The following PACSIN2 variants were observed in gnomAD, a reference collection of about 807,000 sequenced individuals.
The protein encoded by PACSIN2 is protein kinase C and casein kinase substrate in neurons protein 2.
In PACSIN2, 25 loss-of-function variants were observed where a neutral mutation model predicts 63.8. The observed-to-expected ratio is 0.39, with a 90% CI of 0.29 to 0.55. The LOEUF is 0.55. Ranked by LOEUF, PACSIN2 falls within the 20% of genes least tolerant of loss-of-function variation. The probability of loss-of-function intolerance (pLI) is 0.62; values close to 1 mark genes in which losing one functional copy is unlikely to be tolerated. For synonymous variants in PACSIN2, 255 were observed against 256.2 expected, an observed-to-expected ratio of 1.00 and a Z score of 0.05; for missense variants, 518 against 646.9, an observed-to-expected ratio of 0.80 and a Z score of 2.16.
chr22:42,911,091 A>C (rs932938441), intron 2 of PACSIN2, among the ~76,000 whole-genome samples: 1 of 151,836 alleles, frequency 6.6e-6, no homozygotes, highest in African/African-American at 2.4e-5. Context: ...TTTTTAGTAG[A>C]GATGGGGTTT....
At chr22:42,960,687 G>A (rs972626812) in intron 1 of PACSIN2, among the ~76,000 whole-genome samples, 1 of 152,150 alleles carries the variant, frequency 6.6e-6, no homozygotes, top group Non-Finnish European at 1.5e-5. Flanking sequence ...TACACCCTTC[G>A]AAGCCGGGAC....
chr22:42,971,812 C>T (rs1230148133), intron 1 of PACSIN2, among the ~76,000 whole-genome samples: 1 of 151,242 alleles, frequency 6.6e-6, no homozygotes, highest in Non-Finnish European at 1.5e-5. Context: ...GGGGGGCAGC[C>T]CCCGCCCGGC....
intron 10 of PACSIN2, among the ~76,000 whole-genome samples, chr22:42,874,225 G>A (rs915676001): frequency 6.6e-6 from 1 of 151,620 alleles, no homozygotes; most frequent in Non-Finnish European, 1.5e-5. Context: ...GAGGTGGGAG[G>A]ACTGCTTGAG....
intron 1 of PACSIN2, among the ~76,000 whole-genome samples, chr22:42,923,313 A>C (rs957256134): frequency 6.6e-6 from 1 of 152,170 alleles, no homozygotes; most frequent in Non-Finnish European, 1.5e-5. Flanking sequence ...GGCAGACCAC[A>C]TTGCTGGTCT....
At chr22:42,951,835 C>T (rs981901006) in intron 1 of PACSIN2, among the ~76,000 whole-genome samples, 3 of 150,716 alleles carry the variant, frequency 2.0e-5, no homozygotes, top group South Asian at 2.1e-4. Flanking sequence ...CTGCTTCCAG[C>T]GCCAGTCTCG....
intron 1 of PACSIN2, among the ~76,000 whole-genome samples, chr22:42,955,953 C>T (rs771105451): frequency 3.9e-5 from 6 of 152,222 alleles, no homozygotes; most frequent in Admixed American, 6.5e-5. Flanking sequence ...TAAACTAGCA[C>T]TACCAATCTA....
At chr22:42,995,054 A>G (rs1329126093) in intron 1 of PACSIN2, among the ~76,000 whole-genome samples, 1 of 152,198 alleles carries the variant, frequency 6.6e-6, no homozygotes, top group Non-Finnish European at 1.5e-5. Flanking sequence ...ACAATCACAT[A>G]GTCAAAGGGG....
intron 1 of PACSIN2, among the ~76,000 whole-genome samples, chr22:42,935,049 A>G (rs557758853): frequency 5.7e-4 from 86 of 150,540 alleles, no homozygotes; most frequent in Non-Finnish European, 8.4e-4. Context: ...CTGAGTAGCT[A>G]GGACTACAGG....
intron 1 of PACSIN2, among the ~76,000 whole-genome samples, chr22:42,998,511 A>G (rs1923560215): frequency 1.3e-5 from 2 of 152,268 alleles, no homozygotes; most frequent in South Asian, 4.1e-4. Context: ...TTAAAGATCA[A>G]TAAGGTTGCT....
At chr22:42,965,031 C>T (rs1183426794) in intron 1 of PACSIN2, among the ~76,000 whole-genome samples, 2 of 152,238 alleles carry the variant, frequency 1.3e-5, no homozygotes. Context: ...GTTTGTCACA[C>T]ATCTCTATAG....
intron 2 of PACSIN2, 91 bp from the exon 3 acceptor site, chr22:42,893,704 A>T: frequency 7.4e-7 from 1 of 1,342,440 alleles, no homozygotes; most frequent in Non-Finnish European, 1.0e-6. Flanking sequence ...CCAGGCCCTG[A>T]TGCGCCCCTG....
intron 1 of PACSIN2, among the ~76,000 whole-genome samples, chr22:42,976,632 C>T (rs1921724060): frequency 6.6e-6 from 1 of 152,208 alleles, no homozygotes; most frequent in Non-Finnish European, 1.5e-5. Flanking sequence ...GTATTACATG[C>T]CTTTTAAATA....
At chr22:42,966,732 A>C (rs1920961942) in intron 1 of PACSIN2, among the ~76,000 whole-genome samples, 1 of 152,240 alleles carries the variant, frequency 6.6e-6, no homozygotes, top group Non-Finnish European at 1.5e-5. Context: ...AGCACATCTC[A>C]GTTAAGATGT....
rs115387484 is a variant in PACSIN2 at position 42,950,643 on chromosome 22, C to T, written c.-77-38486G>A. On this transcript the variant is annotated intron_variant, in intron 1 of 10. Transcript: ENST00000263246. ...AAAGTTAGCTTACAGTAACATTCAA[C>T]GCCATAAGTAGCATTCTTACGTCTA... 4.4e-3 allele frequency among the ~76,000 whole-genome samples: 676 copies of T among 152,302 alleles called. 5 individuals carry two copies. Among genetic ancestry groups the T allele is most frequent in the African/African-American group, 0.015 (619 of 41,552 alleles).
In PACSIN2 at chr22:43,012,838, G is replaced by A. The variant is rs182346403; in HGVS notation, c.-78+2183C>T. ...CCCAGCTAATTTTGTATTTTTAGTA[G>A]ACATGGGGTTTCTCCATGTTGGTCA... On this transcript the variant is annotated intron_variant, in intron 1 of 10. Coordinates refer to ENST00000263246, the MANE Select transcript of PACSIN2 (RefSeq NM_001184970.3). Among the ~76,000 whole-genome samples the A allele has an allele frequency of 4.0e-3, 614 of 152,242 alleles. 2 individuals are homozygous for A. The highest frequency in any genetic ancestry group is 6.9e-3 in the Non-Finnish European group (470 of 68,014).
chr22:42,935,476 C>A (rs1195216755), intron 1 of PACSIN2, among the ~76,000 whole-genome samples: 1 of 152,182 alleles, frequency 6.6e-6, no homozygotes, highest in Non-Finnish European at 1.5e-5. Flanking sequence ...CACCAAAAAA[C>A]TTGTTTCCAC....
intron 1 of PACSIN2, among the ~76,000 whole-genome samples, chr22:42,988,412 C>G (rs1221108287): frequency 1.3e-5 from 2 of 152,204 alleles, no homozygotes; most frequent in African/African-American, 4.8e-5. Context: ...CATCAAGGTA[C>G]AACTCAACCT....
chr22:42,930,088 C>A (rs539235349), intron 1 of PACSIN2, among the ~76,000 whole-genome samples: 1 of 152,320 alleles, frequency 6.6e-6, no homozygotes, highest in Admixed American at 6.5e-5. Flanking sequence ...ATATGAATGC[C>A]ATGCTTTTCT....
chr22:42,962,985 A>G (rs1456737737), intron 1 of PACSIN2, among the ~76,000 whole-genome samples: 6 of 152,170 alleles, frequency 3.9e-5, no homozygotes, highest in African/African-American at 1.4e-4. Flanking sequence ...CCTGGCAGTG[A>G]TACAGCTGCC....
Sources: allele counts gnomAD v4.1 joint callset (sites outside exome capture counted in the v4.1 genomes callset), GRCh38; gene constraint gnomAD v4.1.1; transcripts MANE v1.5; gene names NCBI Gene and HGNC (gene_info 2026-07-23, HGNC 2026-07-21).